PCDH7: variants seen among roughly 807,000 people sequenced by gnomAD.
PCDH7 encodes protocadherin-7.
PCDH7 carries 17 observed loss-of-function variants against 58.9 expected under a neutral mutation model. The observed-to-expected ratio is 0.29, with a 90% confidence interval of 0.20 to 0.43. PCDH7 has a LOEUF of 0.43. Ranked by LOEUF, PCDH7 falls within the 20% of genes least tolerant of loss-of-function variation. The pLI is 1.00. For missense variants in PCDH7, 1,274 were observed against 1,441.0 expected, an observed-to-expected ratio of 0.88 and a Z score of 1.88; for synonymous variants, 664 against 616.4, an observed-to-expected ratio of 1.08 and a Z score of -1.14.
Position 30,767,033 on chromosome 4 carries a change from A to G in PCDH7, c.70+42437A>G, listed in dbSNP as rs370287711. On this transcript the variant is annotated intron_variant, in intron 1 of 3. Coordinates refer to the PCDH7 transcript ENST00000509759. ...GTTTGACCCGTTGGTATAAACCTATATCTGATACTTTTTTTTTTCTTAATG... is the reference window on the plus strand; with the variant it reads ...GTTTGACCCGTTGGTATAAACCTATGTCTGATACTTTTTTTTTTCTTAATG... 4.1e-4 allele frequency among the ~76,000 whole-genome samples: 62 copies of G among 152,270 alleles called. 1 individual carries two copies. In the South Asian group the frequency reaches 0.013, roughly 31 times the overall value.
At chr4:30,821,499 A>T (rs1261214846) in intron 1 of PCDH7, among the ~76,000 whole-genome samples, 1 of 152,194 alleles carries the variant, frequency 6.6e-6, no homozygotes, top group East Asian at 1.9e-4. Flanking sequence ...ACTGGTTCTG[A>T]CATACAGCTA....
intron 3 of PCDH7, among the ~76,000 whole-genome samples, chr4:31,102,407 T>C (rs369396749): frequency 6.6e-6 from 1 of 151,940 alleles, no homozygotes. Flanking sequence ...GAAAATGAAA[T>C]GAGGAAAAGC....
chr4:30,967,155 G>A, intron 3 of PCDH7, among the ~76,000 whole-genome samples: 1 of 151,964 alleles, frequency 6.6e-6, no homozygotes, highest in East Asian at 1.9e-4. Context: ...TAAGAATTGT[G>A]GCTAAGAAGA....
At chr4:31,065,254 A>C (rs1757986300) in intron 3 of PCDH7, among the ~76,000 whole-genome samples, 2 of 152,000 alleles carry the variant, frequency 1.3e-5, no homozygotes, top group South Asian at 4.1e-4. Flanking sequence ...AGTCTAGTGT[A>C]CTTAGCTCTG....
intron 3 of PCDH7, among the ~76,000 whole-genome samples, chr4:31,127,542 A>G (rs1254435238): frequency 6.6e-6 from 1 of 152,122 alleles, no homozygotes; most frequent in Non-Finnish European, 1.5e-5. Flanking sequence ...ATGAAAGTCT[A>G]CCAGAAGATT....
Position 30,789,968 on chromosome 4 carries a change from A to T in PCDH7, c.70+65372A>T, listed in dbSNP as rs138882948. ...AAATGGCTATCTACAGCAGAAGAACAGCTGTGAATGAGAATCACCAACTGA... is the reference window on the plus strand; with the variant it reads ...AAATGGCTATCTACAGCAGAAGAACTGCTGTGAATGAGAATCACCAACTGA... On this transcript the variant is annotated intron_variant, in intron 1 of 3. Transcript: ENST00000509759. Among the ~76,000 whole-genome samples, 771 of 152,320 alleles carry T rather than the reference A, an allele frequency of 5.1e-3. 12 individuals are homozygous for T. The highest frequency in any genetic ancestry group is 0.018 in the African/African-American group (738 of 41,562).
intron 1 of PCDH7, among the ~76,000 whole-genome samples, chr4:30,751,409 G>A (rs536576902): frequency 1.2e-3 from 180 of 152,168 alleles, no homozygotes; most frequent in African/African-American, 4.1e-3. Context: ...GAAATATTTC[G>A]AGCAAAAGAG....
At chr4:30,747,922 C>A (rs1014144917) in intron 1 of PCDH7, among the ~76,000 whole-genome samples, 12 of 152,132 alleles carry the variant, frequency 7.9e-5, no homozygotes, top group African/African-American at 2.9e-4. Flanking sequence ...GCAATCTCAA[C>A]ATTTTATTAC....
intron 3 of PCDH7, among the ~76,000 whole-genome samples, chr4:31,072,735 T>C (rs1339273721): frequency 6.6e-6 from 1 of 152,160 alleles, no homozygotes; most frequent in Non-Finnish European, 1.5e-5. Context: ...AAGAATGGAA[T>C]GATGGCTGAC....
intron 1 of PCDH7, among the ~76,000 whole-genome samples, chr4:30,919,068 C>T (rs75081457): frequency 7.9e-5 from 12 of 152,052 alleles, no homozygotes; most frequent in African/African-American, 2.7e-4. Context: ...TTTCTAGCAA[C>T]ATTAATTTTT....
chr4:31,127,368 G>T (rs945956994), intron 3 of PCDH7, among the ~76,000 whole-genome samples: 3 of 152,190 alleles, frequency 2.0e-5, no homozygotes, highest in Non-Finnish European at 4.4e-5. Flanking sequence ...AAGCCTAAAT[G>T]TATGTAATTT....
intron 1 of PCDH7, among the ~76,000 whole-genome samples, chr4:30,751,306 A>G (rs1192934235): frequency 6.6e-6 from 1 of 152,208 alleles, no homozygotes; most frequent in Non-Finnish European, 1.5e-5. Flanking sequence ...TGAAAATTTT[A>G]CTGAGGCATT....
intron 1 of PCDH7, among the ~76,000 whole-genome samples, chr4:30,812,344 A>G (rs1727130214): frequency 6.6e-6 from 1 of 152,206 alleles, no homozygotes; most frequent in African/African-American, 2.4e-5. Flanking sequence ...GTATTTTGAA[A>G]GTAATACTTG....
intron 3 of PCDH7, among the ~76,000 whole-genome samples, chr4:30,952,404 A>C (rs1747446919): frequency 6.6e-6 from 1 of 152,044 alleles, no homozygotes; most frequent in Admixed American, 6.6e-5. Flanking sequence ...CAGTTGTATC[A>C]ATTTACCACT....
intron 3 of PCDH7, among the ~76,000 whole-genome samples, chr4:31,035,519 G>A (rs1313539772): frequency 6.6e-6 from 1 of 152,160 alleles, no homozygotes; most frequent in African/African-American, 2.4e-5. Flanking sequence ...CTCCCAAAGT[G>A]CTGGGATCAC....
At chr4:31,045,437 A>G (rs995442200) in intron 3 of PCDH7, among the ~76,000 whole-genome samples, 1 of 152,036 alleles carries the variant, frequency 6.6e-6, no homozygotes, top group Non-Finnish European at 1.5e-5. Flanking sequence ...GTGAACATAA[A>G]GGTTCTAGAC....
At chr4:30,785,779 A>C (rs1014787511) in intron 1 of PCDH7, among the ~76,000 whole-genome samples, 3 of 152,056 alleles carry the variant, frequency 2.0e-5, no homozygotes, top group African/African-American at 7.2e-5. Flanking sequence ...ATTAAGTGGA[A>C]TATTTCTCTT....
At chr4:31,036,213 T>C (rs1755399528) in intron 3 of PCDH7, among the ~76,000 whole-genome samples, 1 of 151,932 alleles carries the variant, frequency 6.6e-6, no homozygotes, top group Non-Finnish European at 1.5e-5. Context: ...TGAGATGGAG[T>C]TTCACTCTGT....
At chr4:31,143,428 A>C (rs917412560), downstream of PCDH7, 1 of 152,222 alleles carries the variant, frequency 6.6e-6, no homozygotes, top group Non-Finnish European at 1.5e-5. Flanking sequence ...TATTTTGGGA[A>C]TATCAAAGCT....
Sources: gnomAD v4.1 joint callset for allele counts (sites outside exome capture counted in the v4.1 genomes callset) on GRCh38, gnomAD v4.1.1 for gene constraint, MANE v1.5 for transcripts, NCBI Gene and HGNC (gene_info 2026-07-23, HGNC 2026-07-21) for gene names.